Variants in RBP3 observed in about 807,000 individuals in gnomAD.
The protein encoded by RBP3 is retinol-binding protein 3.
A neutral mutation model predicts 64.8 loss-of-function variants in RBP3; 50 were observed. The observed-to-expected ratio is 0.77, with a 90% CI of 0.61 to 0.98. The LOEUF (loss-of-function observed/expected upper bound fraction) is 0.98, where lower values mean the gene tolerates loss of function less well. Among genes scored for constraint, RBP3 ranks in the 50% least tolerant of loss-of-function variants. The pLI, the probability that RBP3 is intolerant of heterozygous loss-of-function variation, is 0.00. For missense variants in RBP3, 1,712 were observed against 1,660.5 expected (o/e 1.03, Z -0.54); for synonymous variants, 828 against 730.2 (o/e 1.13, Z -2.16).
Position 47,349,563 on chromosome 10 carries a change from C to G in RBP3, c.1079C>G (p.Ser360Cys), listed in dbSNP as rs1304217463. The G allele has an allele frequency of 6.2e-7, 1 of 1,612,918 alleles. No individual in the cohort carries two copies. Among genetic ancestry groups the G allele is most frequent in the Non-Finnish European group, 8.5e-7 (1 of 1,180,022 alleles). ...LLQHLASMDF[S>C]TVVSEEDLVT... ...CAGCACTTGGCCAGCATGGACTTCT[C>G]CACGGTGGTCTCCGAGGAAGATCTG... The change falls in exon 1 of 4, where the codon TCC becomes TGC. Residue 360 changes from serine to cysteine, a missense_variant. By Grantham distance (112) the Ser-to-Cys change is moderately radical. Transcript: ENST00000584701.
rs957485958 is a variant in RBP3 at position 47,357,733 on chromosome 10, T to A, written c.*276T>A. On this transcript the variant is annotated 3_prime_UTR_variant, in exon 4 of 4. Coordinates refer to ENST00000584701, the MANE Select transcript of RBP3 (RefSeq NM_002900.3). ...TTCTAAGTGGTAGAACTTGGGGTGG[T>A]ATTTTTACCTTCCTTCTTCATACTT... 6.1e-6 allele frequency: 2 copies of A among 327,924 alleles called. No homozygotes were observed. Among genetic ancestry groups the A allele is most frequent in the Non-Finnish European group, 1.1e-5 (2 of 180,302 alleles). The allele number at this position is 327,924 out of a possible 1,614,324, so 20.3% of individuals were successfully genotyped here. A position where few individuals can be genotyped will look rare whatever the true frequency, so the allele number is the denominator to read the frequency against.
At chr10:47,354,017 T>A in intron 2 of RBP3, among the ~76,000 whole-genome samples, 1 of 152,302 alleles carries the variant, frequency 6.6e-6, no homozygotes, top group East Asian at 1.9e-4. Context: ...GTCATATGAA[T>A]CGTACAGGCA....
Position 47,349,030 on chromosome 10 carries a change from C to T in RBP3, c.546C>T (p.Tyr182=). ...GAGGCCAGGTCTCTGGCATTCCCTA[C>T]ATCATCTCCTACCTGCACCCAGGGA... ...CTGGQVSGIP[Y]IISYLHPGNT... Residue 182 remains tyrosine (Y), a synonymous_variant, in exon 1 of 4, where the codon TAC becomes TAT. Transcript: ENST00000584701. The T allele has an allele frequency of 6.2e-7, 1 of 1,614,054 alleles. No individual in the cohort carries two copies. The highest frequency in any genetic ancestry group is 8.5e-7 in the Non-Finnish European group (1 of 1,180,032).
Position 47,349,962 on chromosome 10 carries a change from T to C in RBP3, c.1478T>C (p.Leu493Pro), listed in dbSNP as rs200509782. 188 of 1,612,558 alleles carry C rather than the reference T, an allele frequency of 1.2e-4. No individual in the cohort carries two copies. Among genetic ancestry groups the C allele is most frequent in the Non-Finnish European group, 1.2e-5 (14 of 1,179,588 alleles). The change falls in exon 1 of 4, where the codon CTG becomes CCG. Residue 493 changes from leucine to proline, a missense_variant. Coordinates refer to ENST00000584701, the MANE Select transcript of RBP3 (RefSeq NM_002900.3). ...CCATCCTCTGCTGTGCCCCTGCTCC[T>C]GTCCTACTTCCAGGGCCCTGAGGCC... is the stretch of plus-strand genomic sequence containing the variant. Reference protein sequence around the residue: ...GGPSSAVPLLLSYFQGPEAGP... With the variant: ...GGPSSAVPLLPSYFQGPEAGP...
Position 47,357,094 on chromosome 10 carries a change from T to A in RBP3, c.3389-8T>A. ...GACCCCCATCCTGAAGGGCCTTATG[T>A]CTTCCAGGTGAACGCTATGGCTCCA... On this transcript the variant is annotated splice_polypyrimidine_tract_variant and splice_region_variant and intron_variant, in intron 3 of 3. Transcript: ENST00000584701. 1 of 1,607,840 alleles carries A rather than the reference T, an allele frequency of 6.2e-7. No individual in the cohort carries two copies. The highest frequency in any genetic ancestry group is 8.5e-7 in the Non-Finnish European group (1 of 1,179,664).
intron 2 of RBP3, among the ~76,000 whole-genome samples, chr10:47,353,724 G>T (rs1019098518): frequency 6.6e-6 from 1 of 152,232 alleles, no homozygotes; most frequent in Non-Finnish European, 1.5e-5. Flanking sequence ...GGTAGTTTTT[G>T]CAAGCTTCTC....
chr10:47,352,692 C>G (rs1836993477), intron 1 of RBP3, among the ~76,000 whole-genome samples: 1 of 152,196 alleles, frequency 6.6e-6, no homozygotes, highest in Non-Finnish European at 1.5e-5. Context: ...CATCCACGTG[C>G]GAGTAGCCTG....
rs781850352 is a variant in RBP3, at chr10:47,350,476, G to A, written c.1992G>A (p.Leu664=). 1.2e-6 allele frequency: 2 copies of A among 1,612,616 alleles called. No homozygotes were observed. The highest frequency in any genetic ancestry group is 1.7e-6 in the Non-Finnish European group (2 of 1,180,006). Residue 664 remains leucine, a synonymous_variant, in exon 1 of 4, where the codon CTG becomes CTA. Coordinates refer to ENST00000584701, the MANE Select transcript of RBP3 (RefSeq NM_002900.3). ...PEVVGQTSAL[L]RAKLAQGAYR... ...TCGTGGGGCAGACCAGTGCCCTCCTGCGGGCCAAGCTGGCCCAGGGCGCCT... is the reference window on the plus strand; with the variant it reads ...TCGTGGGGCAGACCAGTGCCCTCCTACGGGCCAAGCTGGCCCAGGGCGCCT...
At chr10:47,356,023 G>C (rs964790215) in intron 3 of RBP3, among the ~76,000 whole-genome samples, 1 of 152,104 alleles carries the variant, frequency 6.6e-6, no homozygotes, top group African/African-American at 2.4e-5. Context: ...AGGAGCAAAG[G>C]CAGGCCCTGA....
Position 47,350,605 on chromosome 10 carries a change from G to A in RBP3, c.2121G>A (p.Glu707=), listed in dbSNP as rs886047017. The A allele has an allele frequency of 5.0e-6, 8 of 1,612,874 alleles. No individual in the cohort carries two copies. Among genetic ancestry groups the A allele is most frequent in the Non-Finnish European group, 6.8e-6 (8 of 1,180,038 alleles). Residue 707 remains glutamate (E), a synonymous_variant, in exon 1 of 4, where the codon GAG becomes GAA. Transcript: ENST00000584701. ...HRLLVFHSPG[E]LVVEEAPPPP... is the part of the protein sequence containing the mutation. Reference sequence around the variant, plus strand: ...TGCTAGTGTTCCACAGCCCTGGCGAGCTGGTGGTAGAGGAAGCACCCCCAC... The same window carrying A: ...TGCTAGTGTTCCACAGCCCTGGCGAACTGGTGGTAGAGGAAGCACCCCCAC...
In RBP3 at chr10:47,350,868, T is replaced by C. The variant is rs1275752723; in HGVS notation, c.2384T>C (p.Leu795Pro). Residue 795 changes from leucine to proline, a missense_variant, in exon 1 of 4, where the codon CTG becomes CCG. Coordinates refer to ENST00000584701, the MANE Select transcript of RBP3 (RefSeq NM_002900.3). The part of the protein sequence containing the change: ...NPGSYSTAIP[L>P]LCSYFFEAEP... The stretch of plus-strand genomic sequence containing the variant: ...GGCAGCTACTCCACGGCCATCCCGC[T>C]GCTCTGCTCCTACTTCTTTGAGGCA... 1 of 1,612,894 alleles carries C rather than the reference T, an allele frequency of 6.2e-7. No homozygotes were observed. Among genetic ancestry groups the C allele is most frequent in the Non-Finnish European group, 8.5e-7 (1 of 1,179,968 alleles).
chr10:47,355,152 A>G (rs1337438280), intron 2 of RBP3, among the ~76,000 whole-genome samples: 1 of 152,196 alleles, frequency 6.6e-6, no homozygotes, highest in Admixed American at 6.5e-5. Context: ...GAAGGAAAGG[A>G]TAACATATTT....
Position 47,349,044 on chromosome 10 carries a change from T to C in RBP3, c.560T>C (p.Leu187Pro). The C allele has an allele frequency of 6.2e-7, 1 of 1,613,964 alleles. No individual in the cohort carries two copies. Among genetic ancestry groups the C allele is most frequent in the Non-Finnish European group, 8.5e-7 (1 of 1,180,018 alleles). Reference sequence around the variant, plus strand: ...GGCATTCCCTACATCATCTCCTACCTGCACCCAGGGAACACCATCCTGCAC... The same window carrying C: ...GGCATTCCCTACATCATCTCCTACCCGCACCCAGGGAACACCATCCTGCAC... ...VSGIPYIISY[L>P]HPGNTILHVD... The change falls in exon 1 of 4, where the codon CTG (leucine) becomes CCG (proline). Residue 187 changes from leucine to proline, a missense_variant. By Grantham distance (98) the Leu-to-Pro change is moderately conservative (BLOSUM62 -3). Transcript: ENST00000584701.
chr10:47,352,169 C>G (rs1836984135), intron 1 of RBP3, among the ~76,000 whole-genome samples: 1 of 152,204 alleles, frequency 6.6e-6, no homozygotes, highest in Admixed American at 6.5e-5. Flanking sequence ...GTTACTGAAG[C>G]AGGCATGAAG....
In RBP3 at chr10:47,350,767, G is replaced by T; in HGVS notation, c.2283G>T (p.Gly761=). Residue 761 remains glycine, a synonymous_variant, in exon 1 of 4, where the codon GGG becomes GGT. Coordinates refer to ENST00000584701, the MANE Select transcript of RBP3 (RefSeq NM_002900.3). ...MAELETVKAV[G]PQLVRLVWQQ... Reference sequence around the variant, plus strand: ...AACTGGAGACAGTGAAGGCCGTGGGGCCACAGCTGGTGCGGCTGGTATGGC... The same window carrying T: ...AACTGGAGACAGTGAAGGCCGTGGGTCCACAGCTGGTGCGGCTGGTATGGC... The T allele has an allele frequency of 6.2e-7, 1 of 1,613,184 alleles. No homozygotes were observed. The highest frequency in any genetic ancestry group is 1.7e-5 in the Admixed American group (1 of 60,020).
chr10:47,356,206 C>T (rs193090970), intron 3 of RBP3, among the ~76,000 whole-genome samples: 1 of 152,282 alleles, frequency 6.6e-6, no homozygotes, highest in East Asian at 1.9e-4. Context: ...ATTTTCATGT[C>T]CATGCTTCTG....
At chr10:47,353,995 A>G (rs1409690689) in intron 2 of RBP3, among the ~76,000 whole-genome samples, 1 of 152,186 alleles carries the variant, frequency 6.6e-6, no homozygotes, top group African/African-American at 2.4e-5. Context: ...AAATCAACAC[A>G]TGACAACCCT....
Position 47,348,906 on chromosome 10 carries a change from A to T in RBP3, c.422A>T (p.Gln141Leu), listed in dbSNP as rs1177964061. Residue 141 changes from glutamine (Q) to leucine (L), a missense_variant, in exon 1 of 4, where the codon CAG (glutamine) becomes CTG (leucine). Gln to Leu is a moderately radical substitution (Grantham distance 113). Coordinates refer to ENST00000584701, the MANE Select transcript of RBP3 (RefSeq NM_002900.3). ...CTGCGGGTGGACAGCGTCCCGGGCC[A>T]GGAGGTGCTGAGCATGATGGGGGAG... ...GYLRVDSVPG[Q>L]EVLSMMGEFL... is the part of the protein sequence containing the mutation. The T allele has an allele frequency of 6.2e-7, 1 of 1,613,686 alleles. No individual in the cohort carries two copies. Among genetic ancestry groups the T allele is most frequent in the Non-Finnish European group, 8.5e-7 (1 of 1,179,996 alleles).
chr10:47,348,425 C>G lies in RBP3; in HGVS notation c.-60C>G. On this transcript the variant is annotated 5_prime_UTR_variant, in exon 1 of 4. Transcript: ENST00000584701. ...AAGGCAGCTGCACAGAGCAGGGCCA[C>G]GGCCTTGCACACAGTCCAGGGAGCT... 6.4e-7 allele frequency: 1 copy of G among 1,557,724 alleles called. No individual in the cohort carries two copies. Among genetic ancestry groups the G allele is most frequent in the South Asian group, 1.1e-5 (1 of 87,476 alleles).
Sources: gnomAD v4.1 joint callset for allele counts (sites outside exome capture counted in the v4.1 genomes callset) on GRCh38, gnomAD v4.1.1 for gene constraint, MANE v1.5 for transcripts, NCBI Gene and HGNC (gene_info 2026-07-23, HGNC 2026-07-21) for gene names.